The following TULP4 variants were observed in gnomAD, a reference collection of about 807,000 sequenced individuals.
TULP4 encodes the protein TUB like protein 4.
A neutral mutation model predicts 129.0 loss-of-function variants in TULP4; 16 were observed. The observed-to-expected ratio is 0.12, with a 90% CI of 0.08 to 0.19. The LOEUF is 0.19. Among genes scored for constraint, TULP4 ranks in the 10% least tolerant of loss-of-function variants. The pLI is 1.00. For synonymous variants in TULP4, 998 were observed against 854.0 expected, an observed-to-expected ratio of 1.17 and a Z score of -2.94; for missense variants, 1,842 against 2,059.1, an observed-to-expected ratio of 0.89 and a Z score of 2.04.
At chr6:158,336,771 G>A (rs1780044344) in intron 1 of TULP4, among the ~76,000 whole-genome samples, 1 of 152,112 alleles carries the variant, frequency 6.6e-6, no homozygotes, top group Admixed American at 6.5e-5. Flanking sequence ...GGACAAAAAT[G>A]GGAATATAAG....
intron 1 of TULP4, among the ~76,000 whole-genome samples, chr6:158,291,752 G>A (rs1173397883): frequency 6.6e-6 from 1 of 151,762 alleles, no homozygotes; most frequent in African/African-American, 2.4e-5. Flanking sequence ...TAAAAAAATT[G>A]GGTAATTTCT....
At chr6:158,374,749 C>G (rs1777148715) in intron 1 of TULP4, among the ~76,000 whole-genome samples, 1 of 152,128 alleles carries the variant, frequency 6.6e-6, no homozygotes, top group Non-Finnish European at 1.5e-5. Flanking sequence ...AGAAGAGTTC[C>G]TGGTTTCAGC....
chr6:158,460,388 G>A (rs1779397081), intron 5 of TULP4, among the ~76,000 whole-genome samples: 1 of 152,090 alleles, frequency 6.6e-6, no homozygotes, highest in South Asian at 2.1e-4. Flanking sequence ...TGCAAAGTGG[G>A]CCACTTTAGT....
intron 1 of TULP4, among the ~76,000 whole-genome samples, chr6:158,299,022 AACAG>A (rs1442889169): frequency 6.6e-6 from 1 of 152,212 alleles, no homozygotes; most frequent in Non-Finnish European, 1.5e-5. Flanking sequence ...TAGTGGGGAC[AACAG>A]ACAGAAACGT....
chr6:158,428,211 A>G (rs1414311278), intron 2 of TULP4: 1 of 152,216 alleles, frequency 6.6e-6, no homozygotes, highest in East Asian at 1.9e-4. Flanking sequence ...TAGTCAGATG[A>G]TTTGGCAGGC....
At chr6:158,322,758 G>A (rs1405821435) in intron 1 of TULP4, among the ~76,000 whole-genome samples, 2 of 152,104 alleles carry the variant, frequency 1.3e-5, no homozygotes, top group East Asian at 1.9e-4. Context: ...TGCCACTGTC[G>A]GGGGGCAAGA....
intron 5 of TULP4, among the ~76,000 whole-genome samples, chr6:158,458,864 A>G (rs1452494313): frequency 6.6e-6 from 1 of 152,212 alleles, no homozygotes; most frequent in East Asian, 1.9e-4. Context: ...ATTCAGGGTT[A>G]TTCTTTCTTA....
At chr6:158,365,371 T>A (rs1318025825) in intron 1 of TULP4, among the ~76,000 whole-genome samples, 2 of 152,092 alleles carry the variant, frequency 1.3e-5, no homozygotes, top group Admixed American at 1.3e-4. Flanking sequence ...GTTTTTGTTT[T>A]CATAACTACT....
At chr6:158,308,730 T>A (rs867933281), upstream of TULP4, among the ~76,000 whole-genome samples, 1 of 69,102 alleles carries the variant, frequency 1.4e-5, no homozygotes, top group African/African-American at 5.8e-5. Flanking sequence ...CCTCACCTCC[T>A]GGACGGGGCG....
chr6:158,248,544 C>T (rs1583673700), intron 1 of TULP4, among the ~76,000 whole-genome samples: 3 of 152,236 alleles, frequency 2.0e-5, no homozygotes, highest in South Asian at 4.1e-4. Flanking sequence ...GCTGGGATTA[C>T]AGGCATGAGC....
chr6:158,388,653 GAA>G (rs11424136), intron 1 of TULP4, among the ~76,000 whole-genome samples: 1 of 142,466 alleles, frequency 7.0e-6, no homozygotes, highest in Non-Finnish European at 1.5e-5. Flanking sequence ...TTTTCTAATG[GAA>G]AAAAAAAAAA....
chr6:158,503,800 A>G lies in TULP4; in HGVS notation c.4137A>G (p.Arg1379=). ...NSLISSPHLG[R]EKKKVKSQKD... The stretch of plus-strand genomic sequence containing the variant: ...TAATCTCCAGCCCACACCTGGGGAG[A>G]GAGAAGAAGAAAGTGAAGAGTCAGA... The change falls in exon 13 of 14, where the codon AGA becomes AGG. Residue 1379 remains arginine (R), a synonymous_variant. Coordinates refer to ENST00000367097, the MANE Select transcript of TULP4 (RefSeq NM_020245.5). This position sits in a 1 kb window ranked among gnomAD's most constrained non-coding sequence, Gnocchi z 4.3. 2 of 1,614,130 alleles carry G rather than the reference A, an allele frequency of 1.2e-6. No homozygotes were observed. The highest frequency in any genetic ancestry group is 2.2e-5 in the South Asian group (2 of 91,078).
intron 8 of TULP4, among the ~76,000 whole-genome samples, chr6:158,483,914 G>A (rs993002253): frequency 3.4e-5 from 5 of 148,130 alleles, no homozygotes; most frequent in Middle Eastern, 3.5e-3. Flanking sequence ...GATACCATGA[G>A]TCCCAGTAGT....
At chr6:158,254,634 T>C (rs895770449) in intron 1 of TULP4, among the ~76,000 whole-genome samples, 2 of 152,240 alleles carry the variant, frequency 1.3e-5, no homozygotes, top group African/African-American at 4.8e-5. Context: ...ATATGCCATT[T>C]CATTTGGTCT....
intron 1 of TULP4, among the ~76,000 whole-genome samples, chr6:158,356,961 A>G (rs988785230): frequency 1.3e-5 from 2 of 152,196 alleles, no homozygotes; most frequent in Non-Finnish European, 2.9e-5. Flanking sequence ...GCCTAGCAAC[A>G]TGGGGGTAGG....
At chr6:158,475,056 A>G (rs755638340) in intron 6 of TULP4, among the ~76,000 whole-genome samples, 28 of 152,230 alleles carry the variant, frequency 1.8e-4, no homozygotes, top group Non-Finnish European at 4.0e-4. Context: ...CTCAGTAGAT[A>G]AAAAAATGAT....
chr6:158,329,823 C>CTTAA (rs1257632401), intron 1 of TULP4, among the ~76,000 whole-genome samples: 1 of 36,384 alleles, frequency 2.7e-5, no homozygotes, highest in Non-Finnish European at 7.8e-5. Context: ...CTTTGAAAAA[C>CTTAA]CTAACTATTT....
chr6:158,349,968 C>T (rs1454486341), intron 1 of TULP4, among the ~76,000 whole-genome samples: 1 of 144,116 alleles, frequency 6.9e-6, no homozygotes, highest in Non-Finnish European at 1.5e-5. Context: ...GCACTCCTCA[C>T]CTCCCAAACG....
intron 1 of TULP4, chr6:158,242,464 G>A (rs1262299366): frequency 3.4e-6 from 3 of 888,554 alleles, no homozygotes; most frequent in African/African-American, 1.6e-5. Flanking sequence ...TGTTCCAAAC[G>A]GTGTAACACT....
Sources: allele counts gnomAD v4.1 joint callset (sites outside exome capture counted in the v4.1 genomes callset), GRCh38; gene constraint gnomAD v4.1.1; non-coding constraint Gnocchi (gnomAD v3.1); transcripts MANE v1.5; gene names NCBI Gene and HGNC (gene_info 2026-07-23, HGNC 2026-07-21).